PDE7A: variants seen among roughly 807,000 people sequenced by gnomAD.
PDE7A encodes high affinity 3',5'-cyclic-AMP phosphodiesterase 7A.
PDE7A carries 39 observed loss-of-function variants against 64.3 expected under a neutral mutation model. The observed-to-expected ratio is 0.61, with a 90% CI of 0.47 to 0.79. PDE7A has a LOEUF of 0.79. PDE7A is among the 30% of genes least tolerant of loss of function. The probability of loss-of-function intolerance (pLI) is 0.00; values close to 1 mark genes in which losing one functional copy is unlikely to be tolerated. For missense variants in PDE7A, 470 were observed against 582.8 expected, an observed-to-expected ratio of 0.81 and a Z score of 1.99; for synonymous variants, 203 against 206.8, an observed-to-expected ratio of 0.98 and a Z score of 0.16.
chr8:65,762,400 T>C (rs1401129804), intron 3 of PDE7A, among the ~76,000 whole-genome samples: 1 of 152,136 alleles, frequency 6.6e-6, no homozygotes, highest in African/African-American at 2.4e-5. Flanking sequence ...CAATGGTCAT[T>C]AGTAGAGCAG....
intron 1 of PDE7A, among the ~76,000 whole-genome samples, chr8:65,823,332 G>A (rs796949274): frequency 2.6e-5 from 4 of 152,234 alleles, no homozygotes; most frequent in African/African-American, 9.6e-5. Context: ...TGTTTCTACA[G>A]ATTGCAGGTA....
At chr8:65,791,505 C>T (rs573789911) in intron 1 of PDE7A, among the ~76,000 whole-genome samples, 3 of 152,334 alleles carry the variant, frequency 2.0e-5, no homozygotes, top group South Asian at 4.1e-4. Flanking sequence ...TCACAATGGT[C>T]CATGAAGGGA....
chr8:65,770,007 G>C (rs900926646), intron 3 of PDE7A, among the ~76,000 whole-genome samples: 1 of 152,042 alleles, frequency 6.6e-6, no homozygotes, highest in African/African-American at 2.4e-5. Flanking sequence ...AAAAATTTTT[G>C]TCCAGAGATA....
At chr8:65,841,047 TA>T (rs759524122) in intron 1 of PDE7A, among the ~76,000 whole-genome samples, 1 of 152,080 alleles carries the variant, frequency 6.6e-6, no homozygotes, top group East Asian at 1.9e-4. Context: ...GACTAAGGAA[TA>T]AAGACTCAAC....
At chr8:65,806,524 A>T (rs79697414) in intron 1 of PDE7A, among the ~76,000 whole-genome samples, 8,698 of 152,364 alleles carry the variant, frequency 0.057, 358 homozygotes, top group Middle Eastern at 0.11. Flanking sequence ...TCTTTCTTTA[A>T]AAATGCACAT....
intron 1 of PDE7A, among the ~76,000 whole-genome samples, chr8:65,811,140 G>C (rs1220363307): frequency 6.6e-6 from 1 of 152,052 alleles, no homozygotes; most frequent in Non-Finnish European, 1.5e-5. Flanking sequence ...GGAGGAAGTG[G>C]AGAAAAAAAG....
At chr8:65,742,402 A>G (rs973666783) in intron 5 of PDE7A, among the ~76,000 whole-genome samples, 5 of 152,170 alleles carry the variant, frequency 3.3e-5, no homozygotes, top group African/African-American at 1.2e-4. Context: ...AAGGAACTCC[A>G]AATGCATCCT....
intron 3 of PDE7A, among the ~76,000 whole-genome samples, chr8:65,762,680 T>C (rs1343832590): frequency 1.3e-5 from 2 of 152,238 alleles, no homozygotes; most frequent in Admixed American, 6.5e-5. Context: ...ATGGTCATTA[T>C]TATGAATATC....
Position 65,841,444 on chromosome 8 carries a change from C to T in PDE7A, c.65G>A (p.Ser22Asn). The change falls in exon 1 of 13, where the codon AGC (serine) becomes AAC (asparagine). Residue 22 changes from serine to asparagine, a missense_variant. Transcript: ENST00000401827. ...GCTGAAGCTGATGGCTCCTCGGCGG[C>T]TGAGGACGTGCTGGGGGACCGGCCT... Reference protein sequence around the residue: ...LDRPVPQHVLSRRGAISFSSS... With the variant: ...LDRPVPQHVLNRRGAISFSSS... 1 of 1,564,582 alleles carries T rather than the reference C, an allele frequency of 6.4e-7. No individual in the cohort carries two copies. The highest frequency in any genetic ancestry group is 1.2e-5 in the South Asian group (1 of 86,118).
In PDE7A at chr8:65,715,215, A is replaced by G. The variant is rs1011258180; in HGVS notation, c.*4075T>C. Among the ~76,000 whole-genome samples, 2 of 152,082 alleles carry G rather than the reference A, an allele frequency of 1.3e-5. No individual in the cohort carries two copies. Among genetic ancestry groups the G allele is most frequent in the African/African-American group, 2.4e-5 (1 of 41,400 alleles). On this transcript the variant is annotated 3_prime_UTR_variant, in exon 13 of 13. Coordinates refer to ENST00000401827, the MANE Select transcript of PDE7A (RefSeq NM_001242318.3). ...GTTTCCTAAAATTTTTTAGAAAAAA[A>G]TATTCCAGTAATATAGGTCGTATTT...
At chr8:65,719,587 A>T in intron 12 of PDE7A, 92 bp from the exon 13 acceptor site, 1 of 786,376 alleles carries the variant, frequency 1.3e-6, no homozygotes, top group South Asian at 1.6e-5. Flanking sequence ...CCTACATCCT[A>T]CTCCAGTATT....
chr8:65,745,543 G>A (rs1031820211), intron 4 of PDE7A, 73 bp from the exon 5 acceptor site: 12 of 806,734 alleles, frequency 1.5e-5, no homozygotes, highest in Non-Finnish European at 2.3e-5. Flanking sequence ...ATTCCATAGA[G>A]AAGTTAAAGA....
intron 1 of PDE7A, among the ~76,000 whole-genome samples, chr8:65,804,740 T>C (rs150693821): frequency 0.018 from 2,700 of 152,228 alleles, 29 homozygotes; most frequent in Middle Eastern, 0.065. Context: ...GGTTTCACCA[T>C]GTTGGCCAGG....
intron 3 of PDE7A, among the ~76,000 whole-genome samples, chr8:65,754,086 G>GC (rs1808099709): frequency 6.6e-6 from 1 of 152,136 alleles, no homozygotes; most frequent in South Asian, 2.1e-4. Context: ...AGCAAGGAAA[G>GC]CAAGTCTGAG....
In PDE7A at chr8:65,812,055, A is replaced by G. The variant is rs1160764982; in HGVS notation, c.139-29212T>C. Among the ~76,000 whole-genome samples the G allele has an allele frequency of 2.0e-5, 3 of 150,334 alleles. No individual in the cohort carries two copies. In the Admixed American group the frequency reaches 2.0e-4, roughly 10 times the overall value. ...AACCCCATCTCTACAAAAAATACAAAAAATTAGCCAGGAGAGTGGCATGTG... is the reference window on the plus strand; with the variant it reads ...AACCCCATCTCTACAAAAAATACAAGAAATTAGCCAGGAGAGTGGCATGTG... On this transcript the variant is annotated intron_variant, in intron 1 of 12. Transcript: ENST00000401827.
intron 1 of PDE7A, among the ~76,000 whole-genome samples, chr8:65,785,356 G>A (rs886211903): frequency 6.6e-6 from 1 of 152,088 alleles, no homozygotes; most frequent in Non-Finnish European, 1.5e-5. Flanking sequence ...AAATTGAAAA[G>A]TAAAATAAAA....
In PDE7A at chr8:65,715,379, GTTTT is replaced by G. The variant is rs869132666; in HGVS notation, c.*3907_*3910del. 3.0e-5 allele frequency among the ~76,000 whole-genome samples: 4 copies of G among 133,364 alleles called. No individual in the cohort carries two copies. Among genetic ancestry groups the G allele is most frequent in the Non-Finnish European group, 3.3e-5 (2 of 60,982 alleles). 87.5% of individuals were successfully genotyped at this position (133,364 alleles called of 152,430 possible). A position where few individuals can be genotyped will look rare whatever the true frequency, so the allele number is the denominator to read the frequency against. On this transcript the variant is annotated 3_prime_UTR_variant, in exon 13 of 13. Transcript: ENST00000401827. Reference sequence around the variant, plus strand: ...AGAGAGACCCTGTCTCTATAAAAAAGTTTTTTTTTTTTTTTTGAGACAGAGTCTT... The same window carrying G: ...AGAGAGACCCTGTCTCTATAAAAAAGTTTTTTTTTTTTGAGACAGAGTCTT...
rs1189612140 is a variant in PDE7A at position 65,715,828 on chromosome 8, G to A, written c.*3462C>T. ...GTGAAACCCTAACTCTACTAATAAAGTACAAAAAAATTAGCAGGGCCTGGT... is the reference window on the plus strand; with the variant it reads ...GTGAAACCCTAACTCTACTAATAAAATACAAAAAAATTAGCAGGGCCTGGT... On this transcript the variant is annotated 3_prime_UTR_variant, in exon 13 of 13. Transcript: ENST00000401827. 6.7e-6 allele frequency among the ~76,000 whole-genome samples: 1 copy of A among 149,806 alleles called. No individual in the cohort carries two copies. Among genetic ancestry groups the A allele is most frequent in the Non-Finnish European group, 1.5e-5 (1 of 67,300 alleles).
At chr8:65,806,140 A>G (rs1351391675) in intron 1 of PDE7A, among the ~76,000 whole-genome samples, 2 of 152,230 alleles carry the variant, frequency 1.3e-5, no homozygotes, top group Admixed American at 1.3e-4. Flanking sequence ...ACAATAAGGA[A>G]TGACTGGTTG....
Sources: gnomAD v4.1 joint callset for allele counts (sites outside exome capture counted in the v4.1 genomes callset) on GRCh38, gnomAD v4.1.1 for gene constraint, MANE v1.5 for transcripts, NCBI Gene and HGNC (gene_info 2026-07-23, HGNC 2026-07-21) for gene names.